The following MLLT3 variants were observed in gnomAD, a reference collection of about 807,000 sequenced individuals.
MLLT3 encodes the protein protein AF-9.
Under a neutral mutation model 53.2 loss-of-function variants are expected in MLLT3, and 4 were observed. The ratio of observed to expected loss-of-function variants is 0.08; its 90% CI spans 0.04 to 0.17. The LOEUF (loss-of-function observed/expected upper bound fraction) is 0.17, where lower values mean the gene tolerates loss of function less well. Ranked by LOEUF, MLLT3 falls within the 10% of genes least tolerant of loss-of-function variation. The probability of loss-of-function intolerance (pLI) is 1.00; values close to 1 mark genes in which losing one functional copy is unlikely to be tolerated. For synonymous variants in MLLT3, 283 were observed against 230.6 expected (o/e 1.23, Z -2.06); for missense variants, 569 against 684.0 (o/e 0.83, Z 1.87).
Position 20,354,975 on chromosome 9 carries a change from A to G in MLLT3, c.1432-96T>C, listed in dbSNP as rs1821133694. On this transcript the variant is annotated intron_variant, in intron 8 of 10. Coordinates refer to ENST00000380338, the MANE Select transcript of MLLT3 (RefSeq NM_004529.4). Reference sequence around the variant, plus strand: ...AAGGCATCCACTGAATGAAATGTACAGTAACATTTGCTTTCCAAATAGCAT... The same window carrying G: ...AAGGCATCCACTGAATGAAATGTACGGTAACATTTGCTTTCCAAATAGCAT... 13 of 745,520 alleles carry G rather than the reference A, an allele frequency of 1.7e-5. No homozygotes were observed. In the South Asian group the frequency reaches 2.2e-4, roughly 13 times the overall value. 46.2% of individuals were successfully genotyped at this position (745,520 alleles called of 1,614,324 possible). A position where few individuals can be genotyped will look rare whatever the true frequency, so the allele number is the denominator to read the frequency against.
intron 8 of MLLT3, among the ~76,000 whole-genome samples, chr9:20,358,632 C>A (rs948183963): frequency 1.3e-5 from 2 of 152,124 alleles, no homozygotes; most frequent in Admixed American, 1.3e-4. Context: ...TTAAGTGAAG[C>A]CATAAGGTTT....
chr9:20,344,725 C>G lies in MLLT3; in HGVS notation c.*1718G>C, dbSNP rs1383616288. The G allele has an allele frequency of 1.9e-5, 4 of 206,096 alleles. No individual in the cohort carries two copies. Among genetic ancestry groups the G allele is most frequent in the Non-Finnish European group, 2.0e-5 (2 of 100,914 alleles). The allele number at this position is 206,096 out of a possible 1,614,324, so 12.8% of individuals were successfully genotyped here. A position where few individuals can be genotyped will look rare whatever the true frequency, so the allele number is the denominator to read the frequency against. Reference sequence around the variant, plus strand: ...AGAAAGAAACAGTGTAAAAAATCCCCTTTTTAAAATGCAGAAATAACTCCA... The same window carrying G: ...AGAAAGAAACAGTGTAAAAAATCCCGTTTTTAAAATGCAGAAATAACTCCA... On this transcript the variant is annotated 3_prime_UTR_variant, in exon 11 of 11. Coordinates refer to ENST00000380338, the MANE Select transcript of MLLT3 (RefSeq NM_004529.4).
At chr9:20,451,609 C>G (rs562401967) in intron 3 of MLLT3, among the ~76,000 whole-genome samples, 2 of 152,208 alleles carry the variant, frequency 1.3e-5, no homozygotes, top group East Asian at 3.9e-4. Context: ...AGGCAGACAT[C>G]GACATTATGT....
At chr9:20,591,402 A>G (rs368152355) in intron 2 of MLLT3, among the ~76,000 whole-genome samples, 1 of 152,310 alleles carries the variant, frequency 6.6e-6, no homozygotes, top group East Asian at 1.9e-4. Flanking sequence ...ACTCGACTGT[A>G]GGGGGCATTC....
At chr9:20,607,867 T>C (rs2131204830) in intron 2 of MLLT3, among the ~76,000 whole-genome samples, 1 of 152,144 alleles carries the variant, frequency 6.6e-6, no homozygotes, top group South Asian at 2.1e-4. Flanking sequence ...AAATCATTTT[T>C]AGTTATGCTT....
intron 2 of MLLT3, among the ~76,000 whole-genome samples, chr9:20,605,266 T>A (rs1820532424): frequency 6.6e-6 from 1 of 152,114 alleles, no homozygotes; most frequent in African/African-American, 2.4e-5. Flanking sequence ...AGCTCTCTCA[T>A]TACATATCAT....
At chr9:20,527,865 T>C (rs1818241640) in intron 2 of MLLT3, among the ~76,000 whole-genome samples, 1 of 152,212 alleles carries the variant, frequency 6.6e-6, no homozygotes, top group South Asian at 2.1e-4. Flanking sequence ...ACACCATTAA[T>C]TCTGTAACAT....
intron 8 of MLLT3, among the ~76,000 whole-genome samples, chr9:20,357,967 TC>T (rs1290491626): frequency 7.3e-6 from 1 of 137,080 alleles, no homozygotes; most frequent in Non-Finnish European, 1.5e-5. Flanking sequence ...CCTACTTTTC[TC>T]CCTCCCTCCT....
intron 5 of MLLT3, among the ~76,000 whole-genome samples, chr9:20,378,878 G>A (rs961882153): frequency 1.3e-5 from 2 of 152,006 alleles, no homozygotes; most frequent in African/African-American, 4.8e-5. Context: ...TGTTCTCAAT[G>A]TAGCCCCTTT....
intron 2 of MLLT3, among the ~76,000 whole-genome samples, chr9:20,567,158 A>T (rs1490121069): frequency 4.2e-5 from 6 of 142,916 alleles, no homozygotes; most frequent in Non-Finnish European, 9.0e-5. Flanking sequence ...AAAGCACAAG[A>T]GGAAATGTTA....
At chr9:20,416,966 C>A (rs1401339214) in intron 4 of MLLT3, among the ~76,000 whole-genome samples, 1 of 152,010 alleles carries the variant, frequency 6.6e-6, no homozygotes. Context: ...CTCAGATACA[C>A]AGCCAGACAT....
At chr9:20,492,895 G>A (rs1169783147) in intron 2 of MLLT3, among the ~76,000 whole-genome samples, 5 of 151,902 alleles carry the variant, frequency 3.3e-5, no homozygotes, top group African/African-American at 1.2e-4. Context: ...AAATGCTGCA[G>A]GCTAAATAGA....
intron 2 of MLLT3, among the ~76,000 whole-genome samples, chr9:20,466,613 G>C (rs906665371): frequency 2.0e-5 from 3 of 152,042 alleles, no homozygotes; most frequent in African/African-American, 7.2e-5. Flanking sequence ...ATAGATAACA[G>C]GATAAAGAAC....
chr9:20,606,210 G>C (rs991359571), intron 2 of MLLT3, among the ~76,000 whole-genome samples: 2 of 151,968 alleles, frequency 1.3e-5, no homozygotes, highest in African/African-American at 4.8e-5. Flanking sequence ...CTCCCATGGA[G>C]ATTCAAGACC....
chr9:20,407,590 C>T (rs563173947), intron 5 of MLLT3, among the ~76,000 whole-genome samples: 19 of 152,300 alleles, frequency 1.2e-4, no homozygotes, highest in African/African-American at 4.1e-4. Context: ...CACACCTCTA[C>T]AATTTTAGTA....
At chr9:20,565,132 GTT>G (rs200465264) in intron 2 of MLLT3, among the ~76,000 whole-genome samples, 46 of 146,660 alleles carry the variant, frequency 3.1e-4, no homozygotes, top group African/African-American at 9.9e-4. Flanking sequence ...TGACTGATAT[GTT>G]TTTTTTTTTT....
At chr9:20,461,570 T>A (rs1221009852) in intron 2 of MLLT3, among the ~76,000 whole-genome samples, 2 of 151,898 alleles carry the variant, frequency 1.3e-5, no homozygotes, top group Non-Finnish European at 2.9e-5. Context: ...TGTGCTTATA[T>A]AATAAATTAC....
chr9:20,419,477 A>C (rs1047626452), intron 4 of MLLT3, among the ~76,000 whole-genome samples: 54 of 151,886 alleles, frequency 3.6e-4, no homozygotes, highest in Admixed American at 2.6e-3. Flanking sequence ...AAATTTTCAT[A>C]AACTAAAGAG....
At chr9:20,449,642 G>A (rs890637343) in intron 3 of MLLT3, among the ~76,000 whole-genome samples, 10 of 152,036 alleles carry the variant, frequency 6.6e-5, no homozygotes, top group Admixed American at 4.6e-4. Flanking sequence ...GAAACTCTCC[G>A]AATATAGGAA....
Sources: gnomAD v4.1 joint callset for allele counts (sites outside exome capture counted in the v4.1 genomes callset) on GRCh38, gnomAD v4.1.1 for gene constraint, MANE v1.5 for transcripts, NCBI Gene and HGNC (gene_info 2026-07-23, HGNC 2026-07-21) for gene names.